MARCHF8: variants seen among roughly 807,000 people sequenced by gnomAD.
MARCHF8 encodes the protein E3 ubiquitin-protein ligase MARCHF8.
Under a neutral mutation model 51.6 loss-of-function variants are expected in MARCHF8, and 40 were observed. That is an observed-to-expected ratio of 0.77 (90% CI 0.60 to 1.01). The LOEUF is 1.01. MARCHF8 is among the 50% of genes least tolerant of loss of function. The pLI, the probability that MARCHF8 is intolerant of heterozygous loss-of-function variation, is 0.00. For synonymous variants in MARCHF8, 263 were observed against 280.3 expected (o/e 0.94, Z 0.62); for missense variants, 685 against 708.6 (o/e 0.97, Z 0.38).
intron 1 of MARCHF8, among the ~76,000 whole-genome samples, chr10:45,543,059 T>C (rs12776291): frequency 0.062 from 9,390 of 152,314 alleles, 330 homozygotes; most frequent in Non-Finnish European, 0.066. Context: ...CTGGCTTCAG[T>C]ACAGTAAGGT....
intron 2 of MARCHF8, among the ~76,000 whole-genome samples, chr10:45,502,601 G>C (rs767058230): frequency 6.6e-6 from 1 of 152,142 alleles, no homozygotes; most frequent in African/African-American, 2.4e-5. Context: ...ACTGTGTCTT[G>C]CTCATCAGGA....
At chr10:45,578,990 A>T (rs1052312245) in intron 1 of MARCHF8, among the ~76,000 whole-genome samples, 2 of 152,240 alleles carry the variant, frequency 1.3e-5, no homozygotes, top group African/African-American at 4.8e-5. Context: ...TGGACATGGA[A>T]AACAAAAGGG....
intron 1 of MARCHF8, among the ~76,000 whole-genome samples, chr10:45,533,958 C>T (rs1261145317): frequency 6.6e-6 from 1 of 152,102 alleles, no homozygotes; most frequent in Admixed American, 6.5e-5. Context: ...CCAAGGCGGG[C>T]AAATCACGAG....
chr10:45,591,009 AC>A (rs1002963046), intron 1 of MARCHF8, among the ~76,000 whole-genome samples: 2 of 152,090 alleles, frequency 1.3e-5, no homozygotes, highest in African/African-American at 4.8e-5. Context: ...AATCTCCCCC[AC>A]CCTTAAGAAG....
chr10:45,480,030 G>A (rs1437346866), intron 3 of MARCHF8, among the ~76,000 whole-genome samples: 4 of 152,190 alleles, frequency 2.6e-5, no homozygotes, highest in Non-Finnish European at 2.9e-5. Context: ...CCAGGCTGAG[G>A]TGGTCTCAGA....
At chr10:45,573,139 T>C (rs2044450638) in intron 1 of MARCHF8, among the ~76,000 whole-genome samples, 1 of 152,182 alleles carries the variant, frequency 6.6e-6, no homozygotes, top group South Asian at 2.1e-4. Flanking sequence ...TCATGGCCCA[T>C]TTAGCAGCAA....
chr10:45,491,935 A>T (rs1349521121), intron 2 of MARCHF8, among the ~76,000 whole-genome samples: 2 of 152,214 alleles, frequency 1.3e-5, no homozygotes, highest in Admixed American at 6.5e-5. Flanking sequence ...ATATCCTCAG[A>T]CCTTTTTGAC....
intron 1 of MARCHF8, among the ~76,000 whole-genome samples, chr10:45,552,707 T>C (rs1023347547): frequency 2.6e-5 from 4 of 152,206 alleles, no homozygotes; most frequent in Non-Finnish European, 4.4e-5. Flanking sequence ...GTGCTATCAT[T>C]CGTCCCTAAA....
Position 45,533,214 on chromosome 10 carries a change from C to G in MARCHF8, c.-3G>C. 1 of 1,606,982 alleles carries G rather than the reference C, an allele frequency of 6.2e-7. No homozygotes were observed. Among genetic ancestry groups the G allele is most frequent in the Non-Finnish European group, 8.5e-7 (1 of 1,177,474 alleles). On this transcript the variant is annotated 5_prime_UTR_variant, in exon 2 of 8. Transcript: ENST00000453424. ...ATCTGATGCAGTGGCATGCTCATCC[C>G]AACCTCTTATCTGGTCGTCTTCTTC... is the stretch of plus-strand genomic sequence containing the variant.
chr10:45,554,270 A>G (rs1187037158), intron 1 of MARCHF8, among the ~76,000 whole-genome samples: 1 of 152,232 alleles, frequency 6.6e-6, no homozygotes, highest in Non-Finnish European at 1.5e-5. Flanking sequence ...AGCATGAGAC[A>G]AAGATAAAAT....
At chr10:45,534,179 ACC>A (rs1210113034) in intron 1 of MARCHF8, among the ~76,000 whole-genome samples, 2 of 141,004 alleles carry the variant, frequency 1.4e-5, no homozygotes, top group Non-Finnish European at 3.1e-5. Context: ...CGAGACTCCA[ACC>A]CCCCAACCTC....
At chr10:45,469,864 CAAAAAAAAAAAAAA>C (rs55832920) in intron 3 of MARCHF8, among the ~76,000 whole-genome samples, 4 of 57,030 alleles carry the variant, frequency 7.0e-5, no homozygotes, top group Non-Finnish European at 1.2e-4. Flanking sequence ...GACTCCGTCT[CAAAAAAAAAAAAAA>C]AAAAAAAAAA....
chr10:45,503,885 T>C (rs201616568), intron 2 of MARCHF8, among the ~76,000 whole-genome samples: 2 of 134,046 alleles, frequency 1.5e-5, no homozygotes, highest in Non-Finnish European at 3.4e-5. Context: ...AGATCATATA[T>C]TATATGATTC....
At chr10:45,472,937 AGCTGT>A (rs2042720786) in intron 3 of MARCHF8, among the ~76,000 whole-genome samples, 1 of 152,226 alleles carries the variant, frequency 6.6e-6, no homozygotes, top group South Asian at 2.1e-4. Context: ...GTTTTGGGAC[AGCTGT>A]TTTCTTCAGA....
intron 3 of MARCHF8, among the ~76,000 whole-genome samples, chr10:45,487,554 G>C (rs1219773316): frequency 6.6e-6 from 1 of 152,182 alleles, no homozygotes; most frequent in Non-Finnish European, 1.5e-5. Flanking sequence ...AAAATGGGCA[G>C]CAATGGTTTA....
rs1842652314 is a variant in MARCHF8 at position 45,457,849 on chromosome 10, C to G, written c.*390G>C. On this transcript the variant is annotated 3_prime_UTR_variant, in exon 8 of 8. Coordinates refer to ENST00000453424, the MANE Select transcript of MARCHF8 (RefSeq NM_001282866.2). ...CGTCATGGCTAGACACTCCCCAATG[C>G]TCTGCTCCAGGCTGGGGACCACTGC... 1 of 197,912 alleles carries G rather than the reference C, an allele frequency of 5.1e-6. No individual in the cohort carries two copies. The highest frequency in any genetic ancestry group is 2.3e-5 in the African/African-American group (1 of 42,758). The allele number at this position is 197,912 out of a possible 1,614,324, so 12.3% of individuals were successfully genotyped here.
intron 2 of MARCHF8, among the ~76,000 whole-genome samples, chr10:45,529,693 G>C (rs1698335252): frequency 6.6e-6 from 1 of 152,076 alleles, no homozygotes; most frequent in Admixed American, 6.5e-5. Context: ...AAATGGCCAA[G>C]AAACATTTAA....
intron 1 of MARCHF8, among the ~76,000 whole-genome samples, chr10:45,567,502 C>A (rs2044378171): frequency 6.6e-6 from 1 of 152,080 alleles, no homozygotes; most frequent in South Asian, 2.1e-4. Context: ...TATGGATATC[C>A]AGTTTTCTCA....
At chr10:45,488,446 A>G (rs1235674443) in intron 3 of MARCHF8, among the ~76,000 whole-genome samples, 1 of 152,124 alleles carries the variant, frequency 6.6e-6, no homozygotes, top group Non-Finnish European at 1.5e-5. Context: ...CAGAGAGGAA[A>G]GAGCCTGGGT....
Sources: gnomAD v4.1 joint callset for allele counts (sites outside exome capture counted in the v4.1 genomes callset) on GRCh38, gnomAD v4.1.1 for gene constraint, MANE v1.5 for transcripts, NCBI Gene and HGNC (gene_info 2026-07-23, HGNC 2026-07-21) for gene names.